Variants in NRG1 observed in about 807,000 individuals in gnomAD.
The protein encoded by NRG1 is pro-neuregulin-1, membrane-bound isoform.
Under a neutral mutation model 63.8 loss-of-function variants are expected in NRG1, and 18 were observed. The observed-to-expected ratio is 0.28, with a 90% CI of 0.19 to 0.42. The LOEUF is 0.42. Among genes scored for constraint, NRG1 ranks in the 10% least tolerant of loss-of-function variants. NRG1 has a pLI of 1.00. For missense variants in NRG1, 762 were observed against 814.7 expected (o/e 0.94, Z 0.79); for synonymous variants, 302 against 301.3 (o/e 1.00, Z -0.02).
At chr8:32,373,397 C>T (rs1587167831) in intron 1 of NRG1, among the ~76,000 whole-genome samples, 1 of 152,220 alleles carries the variant, frequency 6.6e-6, no homozygotes, top group East Asian at 1.9e-4. Context: ...TCAAATGTCC[C>T]AGCTCTTATA....
chr8:32,122,768 TC>T (rs1177184213), intron 1 of NRG1, among the ~76,000 whole-genome samples: 1 of 151,456 alleles, frequency 6.6e-6, no homozygotes, highest in African/African-American at 2.4e-5. Flanking sequence ...ATGCTATCCC[TC>T]CCCGCTCCCC....
chr8:31,979,205 A>G lies in NRG1; in HGVS notation c.37+339774A>G, dbSNP rs1308188949. ...CAGGATTTGTTTGTACAACTGGCCC[A>G]GGAATCCTGACTTCATTTATTCTCT... On this transcript the variant is annotated intron_variant, in intron 1 of 10. Coordinates refer to the NRG1 transcript ENST00000519301. 2.6e-5 allele frequency among the ~76,000 whole-genome samples: 4 copies of G among 152,132 alleles called. No individual in the cohort carries two copies. In the East Asian group the frequency reaches 7.7e-4, roughly 29 times the overall value.
At chr8:32,664,987 AAAT>A (rs1269778565) in intron 5 of NRG1, among the ~76,000 whole-genome samples, 1 of 152,170 alleles carries the variant, frequency 6.6e-6, no homozygotes, top group African/African-American at 2.4e-5. Flanking sequence ...CTGCTCAGTT[AAAT>A]AATATTAATT....
intron 1 of NRG1, among the ~76,000 whole-genome samples, chr8:31,762,643 T>C (rs2131526502): frequency 6.6e-6 from 1 of 152,280 alleles, no homozygotes; most frequent in Admixed American, 6.5e-5. Flanking sequence ...GTCTAATTGC[T>C]CTAGCTAGGG....
At chr8:32,247,050 T>C (rs928086827) in intron 1 of NRG1, among the ~76,000 whole-genome samples, 1 of 152,084 alleles carries the variant, frequency 6.6e-6, no homozygotes, top group Non-Finnish European at 1.5e-5. Context: ...GCATAAATCA[T>C]ATTATCACTT....
chr8:31,930,105 G>A (rs1834741698), intron 1 of NRG1, among the ~76,000 whole-genome samples: 1 of 151,962 alleles, frequency 6.6e-6, no homozygotes, highest in African/African-American at 2.4e-5. Flanking sequence ...TTCCTGGCCT[G>A]TTGGTGCCTG....
intron 1 of NRG1, among the ~76,000 whole-genome samples, chr8:32,132,177 A>G (rs1834914414): frequency 6.6e-6 from 1 of 152,048 alleles, no homozygotes; most frequent in Non-Finnish European, 1.5e-5. Context: ...CTTATTAGGA[A>G]TTGTGCATGC....
chr8:32,235,197 C>A (rs1847405983), intron 1 of NRG1, among the ~76,000 whole-genome samples: 1 of 121,616 alleles, frequency 8.2e-6, no homozygotes, highest in South Asian at 2.7e-4. Flanking sequence ...AGTTTGAGAC[C>A]AGCCTGGGCA....
At chr8:31,715,485 A>G (rs1224646367) in intron 1 of NRG1, among the ~76,000 whole-genome samples, 1 of 152,204 alleles carries the variant, frequency 6.6e-6, no homozygotes, top group African/African-American at 2.4e-5. Flanking sequence ...TAATAAGTTT[A>G]TATGTCTCTG....
intron 1 of NRG1, among the ~76,000 whole-genome samples, chr8:32,397,441 A>G (rs1391012035): frequency 1.3e-5 from 2 of 151,962 alleles, no homozygotes; most frequent in African/African-American, 2.4e-5. Flanking sequence ...TTTGAACAAC[A>G]TATTTGACAT....
At chr8:31,731,365 A>G (rs1262557986) in intron 1 of NRG1, among the ~76,000 whole-genome samples, 6 of 152,180 alleles carry the variant, frequency 3.9e-5, no homozygotes, top group Admixed American at 1.3e-4. Flanking sequence ...TGTTAATTAT[A>G]TAGGAAAATC....
chr8:31,802,590 C>T (rs539705740), intron 1 of NRG1, among the ~76,000 whole-genome samples: 14 of 152,168 alleles, frequency 9.2e-5, no homozygotes, highest in African/African-American at 2.4e-4. Context: ...CTGAAAAAGT[C>T]GCCCTTCCTA....
Position 32,728,985 on chromosome 8 carries a change from G to A in NRG1, c.632+907G>A, listed in dbSNP as rs186178082. ...CGGGAGGCTGAGGCAGGAGAATGGC[G>A]TGAACCTGGGAGGTGGAGCTTGCAG... On this transcript the variant is annotated intron_variant, in intron 6 of 11. Coordinates refer to ENST00000356819, the Ensembl canonical transcript of NRG1. 3.3e-4 allele frequency among the ~76,000 whole-genome samples: 50 copies of A among 152,176 alleles called. No homozygotes were observed. In the East Asian group the frequency reaches 9.1e-3, roughly 28 times the overall value.
intron 1 of NRG1, among the ~76,000 whole-genome samples, chr8:32,280,980 C>G (rs552911337): frequency 4.6e-5 from 7 of 150,744 alleles, no homozygotes; most frequent in African/African-American, 1.7e-4. Context: ...AGGTTGGTCT[C>G]GATCTCCTGA....
At chr8:32,217,699 T>C (rs896721800) in intron 1 of NRG1, among the ~76,000 whole-genome samples, 79 of 152,220 alleles carry the variant, frequency 5.2e-4, no homozygotes, top group African/African-American at 1.8e-3. Context: ...TCTCTCTCCA[T>C]ATCCATTTCT....
chr8:31,966,070 C>T (rs1364230957), intron 1 of NRG1, among the ~76,000 whole-genome samples: 5 of 151,844 alleles, frequency 3.3e-5, no homozygotes, highest in Non-Finnish European at 5.9e-5. Context: ...ACACAATACA[C>T]CCATGTAACA....
intron 1 of NRG1, among the ~76,000 whole-genome samples, chr8:32,239,724 G>A (rs998619857): frequency 6.6e-6 from 1 of 151,972 alleles, no homozygotes; most frequent in Non-Finnish European, 1.5e-5. Context: ...AAATCCAAAC[G>A]ATCCAATTAG....
intron 1 of NRG1, among the ~76,000 whole-genome samples, chr8:31,997,298 A>G (rs976902836): frequency 2.6e-5 from 4 of 151,066 alleles, no homozygotes; most frequent in African/African-American, 9.7e-5. Context: ...AGGAAATAAT[A>G]TATTTCCTTT....
intron 1 of NRG1, among the ~76,000 whole-genome samples, chr8:31,991,696 T>G (rs1387198382): frequency 6.6e-6 from 1 of 152,022 alleles, no homozygotes; most frequent in South Asian, 2.1e-4. Context: ...GTATCAAGTT[T>G]TCTCCCTTGC....
Sources: allele counts gnomAD v4.1 joint callset (sites outside exome capture counted in the v4.1 genomes callset), GRCh38; gene constraint gnomAD v4.1.1; transcripts MANE v1.5; gene names NCBI Gene and HGNC (gene_info 2026-07-23, HGNC 2026-07-21).